Variants in MARCHF11 observed in about 807,000 individuals in gnomAD.
MARCHF11 encodes the protein membrane associated ring-CH-type finger 11, also known as E3 ubiquitin-protein ligase MARCHF11.
In MARCHF11, 29 loss-of-function variants were observed where a neutral mutation model predicts 37.3. The observed-to-expected ratio is 0.78, with a 90% CI of 0.58 to 1.06. MARCHF11 has a LOEUF of 1.06. Among genes scored for constraint, MARCHF11 ranks in the 50% least tolerant of loss-of-function variants. The pLI is 0.00. For missense variants in MARCHF11, 482 were observed against 533.4 expected (o/e 0.90, Z 0.95); for synonymous variants, 233 against 228.0 (o/e 1.02, Z -0.20).
At chr5:16,160,009 C>A (rs1579419221) in intron 2 of MARCHF11, among the ~76,000 whole-genome samples, 2 of 151,966 alleles carry the variant, frequency 1.3e-5, no homozygotes. Flanking sequence ...AAAATACCAT[C>A]TTCGAAAATC....
chr5:16,088,308 C>T (rs915248730), intron 3 of MARCHF11, among the ~76,000 whole-genome samples: 9 of 152,164 alleles, frequency 5.9e-5, no homozygotes, highest in Non-Finnish European at 1.2e-4. Context: ...TGCCTGTCCT[C>T]CTCATGAGCT....
chr5:16,105,321 C>G (rs1025554262), intron 2 of MARCHF11, among the ~76,000 whole-genome samples: 2 of 152,144 alleles, frequency 1.3e-5, no homozygotes, highest in Non-Finnish European at 2.9e-5. Context: ...AGCTAGGATA[C>G]CTTCTCATAT....
intron 2 of MARCHF11, among the ~76,000 whole-genome samples, chr5:16,170,506 T>C (rs1311402860): frequency 6.6e-6 from 1 of 152,148 alleles, no homozygotes; most frequent in Non-Finnish European, 1.5e-5. Flanking sequence ...CAACTTGAGA[T>C]ACAAGTTGAA....
intron 2 of MARCHF11, among the ~76,000 whole-genome samples, chr5:16,159,119 T>A (rs1021284827): frequency 3.3e-5 from 5 of 151,764 alleles, no homozygotes; most frequent in African/African-American, 1.2e-4. Flanking sequence ...AGTAACTATT[T>A]AAAAAAAACC....
In MARCHF11 at chr5:16,075,844, G is replaced by A. The variant is rs537302291; in HGVS notation, c.887-8051C>T. Among the ~76,000 whole-genome samples, 26 of 152,240 alleles carry A rather than the reference G, an allele frequency of 1.7e-4. No individual in the cohort carries two copies. In the South Asian group the frequency reaches 5.4e-3, roughly 32 times the overall value. On this transcript the variant is annotated intron_variant, in intron 3 of 3. Transcript: ENST00000332432. ...TCTTTGGGGGTAACGGTGGTGAGGG[G>A]AACATATGGGCAGGGCAGAGGACAT...
Position 16,068,340 on chromosome 5 carries a change from G to A in MARCHF11, c.887-547C>T, listed in dbSNP as rs573488940. On this transcript the variant is annotated intron_variant, in intron 3 of 3. Coordinates refer to ENST00000332432, the MANE Select transcript of MARCHF11 (RefSeq NM_001102562.3). ...CAATTCAACAAAAATGTATTGAACA[G>A]TTACTTTAGAGCTTTATGAATATTA... Among the ~76,000 whole-genome samples, 4 of 152,286 alleles carry A rather than the reference G, an allele frequency of 2.6e-5. No individual in the cohort carries two copies. In the South Asian group the frequency reaches 6.2e-4, roughly 24 times the overall value.
At chr5:16,107,734 C>T (rs763262251) in intron 2 of MARCHF11, among the ~76,000 whole-genome samples, 2 of 151,860 alleles carry the variant, frequency 1.3e-5, no homozygotes, top group African/African-American at 2.4e-5. Flanking sequence ...ACCCCAGGCT[C>T]CAGGAGCAGA....
chr5:16,105,407 G>A (rs139623188), intron 2 of MARCHF11, among the ~76,000 whole-genome samples: 199 of 152,170 alleles, frequency 1.3e-3, no homozygotes, highest in African/African-American at 3.4e-3. Context: ...AGAATTCCTC[G>A]CAGTCCTTTA....
chr5:16,146,049 C>T lies in MARCHF11; in HGVS notation c.693+31677G>A, dbSNP rs562442701. ...CATTCAGTGTCACTGATTTAGGGAA[C>T]ACCTTAAACCAAAGCTCATAATAAT... On this transcript the variant is annotated intron_variant, in intron 2 of 3. Transcript: ENST00000332432. 5.3e-5 allele frequency among the ~76,000 whole-genome samples: 8 copies of T among 152,270 alleles called. No homozygotes were observed. The South Asian group carries it at 1.7e-3, about 32-fold the overall frequency.
chr5:16,114,847 GA>G (rs1379091523), intron 2 of MARCHF11, among the ~76,000 whole-genome samples: 2 of 151,932 alleles, frequency 1.3e-5, no homozygotes, highest in Non-Finnish European at 2.9e-5. Context: ...AATATAGAAT[GA>G]AATATAGTAT....
In MARCHF11 at chr5:16,173,163, T is replaced by C. The variant is rs138361638; in HGVS notation, c.693+4563A>G. Among the ~76,000 whole-genome samples the C allele has an allele frequency of 2.0e-5, 3 of 152,318 alleles. No homozygotes were observed. The East Asian group carries it at 5.8e-4, about 29-fold the overall frequency. On this transcript the variant is annotated intron_variant, in intron 2 of 3. Transcript: ENST00000332432. ...ATGCAAGTTTCTAACCCTTCCCAAG[T>C]AGGCAAGGCAGGCCTTCGGTGCTCC...
intron 2 of MARCHF11, among the ~76,000 whole-genome samples, chr5:16,157,366 A>G (rs1205857513): frequency 6.6e-6 from 1 of 152,032 alleles, no homozygotes; most frequent in African/African-American, 2.4e-5. Flanking sequence ...TGGAACCATC[A>G]AAGACCCTGA....
Position 16,107,967 on chromosome 5 carries a change from C to T in MARCHF11, c.694-16886G>A, listed in dbSNP as rs563418099. Among the ~76,000 whole-genome samples, 5 of 152,268 alleles carry T rather than the reference C, an allele frequency of 3.3e-5. No individual in the cohort carries two copies. The South Asian group carries it at 1.0e-3, about 32-fold the overall frequency. ...AGCCACCTCTACCACTCAGTAAAAC[C>T]CCCACATACATCCTTCAAGTCCATG... On this transcript the variant is annotated intron_variant, in intron 2 of 3. Coordinates refer to ENST00000332432, the MANE Select transcript of MARCHF11 (RefSeq NM_001102562.3).
intron 3 of MARCHF11, among the ~76,000 whole-genome samples, chr5:16,077,310 T>C (rs1736537799): frequency 6.6e-6 from 1 of 152,118 alleles, no homozygotes; most frequent in African/African-American, 2.4e-5. Context: ...TAAATACAAC[T>C]AATTTTCTGT....
At chr5:16,167,612 C>G (rs79484199) in intron 2 of MARCHF11, among the ~76,000 whole-genome samples, 2 of 152,016 alleles carry the variant, frequency 1.3e-5, no homozygotes, top group African/African-American at 4.8e-5. Context: ...ACAGACATAC[C>G]CAGAATATTG....
Position 16,120,762 on chromosome 5 carries a change from G to A in MARCHF11, c.694-29681C>T, listed in dbSNP as rs1208158733. Reference sequence around the variant, plus strand: ...TAATGTGGCAGAGGTCACCTGCCATGTCAACAAGCATGAAATAACTTCTTG... The same window carrying A: ...TAATGTGGCAGAGGTCACCTGCCATATCAACAAGCATGAAATAACTTCTTG... On this transcript the variant is annotated intron_variant, in intron 2 of 3. Coordinates refer to ENST00000332432, the MANE Select transcript of MARCHF11 (RefSeq NM_001102562.3). 3.9e-5 allele frequency among the ~76,000 whole-genome samples: 6 copies of A among 152,298 alleles called. No individual in the cohort carries two copies. The East Asian group carries it at 5.8e-4, about 15-fold the overall frequency.
intron 3 of MARCHF11, among the ~76,000 whole-genome samples, chr5:16,085,173 T>C (rs1367320344): frequency 1.3e-5 from 2 of 152,034 alleles, no homozygotes; most frequent in Admixed American, 6.6e-5. Context: ...AACTAAGAAA[T>C]AAAATCCCCG....
Position 16,133,408 on chromosome 5 carries a change from T to A in MARCHF11, c.694-42327A>T, listed in dbSNP as rs529094566. ...CCGCCAGTGCCCAAAATGCAAGAGA[T>A]CTCAGCTAAGATCAGCAGAAGTATC... On this transcript the variant is annotated intron_variant, in intron 2 of 3. Transcript: ENST00000332432. 3.3e-5 allele frequency among the ~76,000 whole-genome samples: 5 copies of A among 152,094 alleles called. No homozygotes were observed. In the South Asian group the frequency reaches 1.0e-3, roughly 32 times the overall value.
At chr5:16,158,427 A>G (rs2126602709) in intron 2 of MARCHF11, among the ~76,000 whole-genome samples, 1 of 152,102 alleles carries the variant, frequency 6.6e-6, no homozygotes, top group East Asian at 1.9e-4. Context: ...ATAATGGAAT[A>G]CTATTCATTT....
Sources: gnomAD v4.1 joint callset for allele counts (sites outside exome capture counted in the v4.1 genomes callset) on GRCh38, gnomAD v4.1.1 for gene constraint, MANE v1.5 for transcripts, NCBI Gene and HGNC (gene_info 2026-07-23, HGNC 2026-07-21) for gene names.